ALPK2: variants seen among roughly 807,000 people sequenced by gnomAD.
The protein encoded by ALPK2 is alpha kinase 2, also known as alpha-protein kinase 2.
ALPK2 carries 127 observed loss-of-function variants against 163.1 expected under a neutral mutation model. The observed-to-expected ratio is 0.78, with a 90% CI of 0.67 to 0.90. ALPK2 has a LOEUF of 0.90. Among genes scored for constraint, ALPK2 ranks in the 40% least tolerant of loss-of-function variants. The probability of loss-of-function intolerance (pLI) is 0.00; values close to 1 mark genes in which losing one functional copy is unlikely to be tolerated. For missense variants in ALPK2, 2,360 were observed against 2,589.6 expected, an observed-to-expected ratio of 0.91 and a Z score of 1.92; for synonymous variants, 953 against 959.1, an observed-to-expected ratio of 0.99 and a Z score of 0.12.
intron 2 of ALPK2, among the ~76,000 whole-genome samples, chr18:58,608,273 T>C (rs924163864): frequency 1.3e-5 from 2 of 152,250 alleles, no homozygotes; most frequent in African/African-American, 2.4e-5. Flanking sequence ...CCCAGACTGA[T>C]GCTATGCATA....
At chr18:58,503,027 A>C (rs879005105) in intron 11 of ALPK2, among the ~76,000 whole-genome samples, 1 of 152,108 alleles carries the variant, frequency 6.6e-6, no homozygotes, top group Admixed American at 6.5e-5. Flanking sequence ...CCCCAGTTGC[A>C]CTTCCCTACT....
intron 11 of ALPK2, 69 bp from the exon 12 acceptor site, chr18:58,498,166 G>T (rs2051410809): frequency 6.8e-7 from 1 of 1,468,548 alleles, no homozygotes; most frequent in Non-Finnish European, 9.5e-7. Flanking sequence ...GGGCCATCTA[G>T]CCCCAGGGAA....
chr18:58,541,226 C>T (rs948058863), intron 4 of ALPK2, among the ~76,000 whole-genome samples: 1 of 152,246 alleles, frequency 6.6e-6, no homozygotes, highest in Non-Finnish European at 1.5e-5. Context: ...GAACTTTACT[C>T]ATGGCAGATG....
In ALPK2 at chr18:58,579,498, T is replaced by G; in HGVS notation, c.1278A>C (p.Gln426His). The part of the protein sequence containing the change: ...RVSKHGPSSP[Q>H]TGMTLILGPH... ...GTCCCAAAATGAGAGTCATCCCTGT[T>G]TGTGGGGATGAGGGACCGTGCTTGG... Residue 426 changes from glutamine to histidine, a missense_variant, in exon 4 of 13, where the codon CAA becomes CAC. Transcript: ENST00000361673. 1.9e-6 allele frequency: 3 copies of G among 1,614,068 alleles called. No homozygotes were observed. Among genetic ancestry groups the G allele is most frequent in the Middle Eastern group, 1.7e-4 (1 of 6,060 alleles).
At chr18:58,516,786 C>G (rs547990913) in intron 9 of ALPK2, 122 bp downstream of exon 9, 3 of 1,221,578 alleles carry the variant, frequency 2.5e-6, no homozygotes, top group Admixed American at 4.2e-5. Flanking sequence ...GAATTGAAAC[C>G]CCAAAAGAGG....
In ALPK2 at chr18:58,580,084, C is replaced by T. The variant is rs1249939767; in HGVS notation, c.692G>A (p.Cys231Tyr). ...TGCCATGGAATGCACTGTCTTGTGGCAACATCTGTCTTGTTTTTCATAAAT... is the reference window on the plus strand; with the variant it reads ...TGCCATGGAATGCACTGTCTTGTGGTAACATCTGTCTTGTTTTTCATAAAT... ...SHIYEKQDRCCHKTVHSMASK... is the reference protein window; with the variant it reads ...SHIYEKQDRCYHKTVHSMASK... The change falls in exon 4 of 13, where the codon TGC (cysteine) becomes TAC (tyrosine). Residue 231 changes from cysteine (C) to tyrosine (Y), a missense_variant. Cys to Tyr is a radical substitution (Grantham distance 194). Transcript: ENST00000361673. The T allele has an allele frequency of 2.5e-6, 4 of 1,614,220 alleles. No individual in the cohort carries two copies. The South Asian group carries it at 4.4e-5, about 18-fold the overall frequency.
intron 12 of ALPK2, among the ~76,000 whole-genome samples, chr18:58,492,453 C>T (rs1207059266): frequency 1.3e-5 from 2 of 152,162 alleles, no homozygotes; most frequent in Non-Finnish European, 2.9e-5. Flanking sequence ...TGGCTTAGAC[C>T]TTCCTGAAGG....
intron 4 of ALPK2, among the ~76,000 whole-genome samples, chr18:58,556,745 C>G (rs945174202): frequency 6.6e-6 from 1 of 152,186 alleles, no homozygotes; most frequent in Non-Finnish European, 1.5e-5. Flanking sequence ...GAAGCACTGT[C>G]CTGTATGAAC....
At chr18:58,540,683 C>T (rs1034859174) in intron 4 of ALPK2, among the ~76,000 whole-genome samples, 1 of 152,162 alleles carries the variant, frequency 6.6e-6, no homozygotes, top group African/African-American at 2.4e-5. Flanking sequence ...CCCCTCTCTC[C>T]GGCCTTTCTA....
At chr18:58,552,781 C>T (rs1426096170) in intron 4 of ALPK2, among the ~76,000 whole-genome samples, 1 of 152,094 alleles carries the variant, frequency 6.6e-6, no homozygotes, top group African/African-American at 2.4e-5. Context: ...GGCAGTGGCC[C>T]AGATGAAATT....
At chr18:58,507,075 A>G (rs2051465566) in intron 10 of ALPK2, among the ~76,000 whole-genome samples, 1 of 152,256 alleles carries the variant, frequency 6.6e-6, no homozygotes, top group South Asian at 2.1e-4. Context: ...CATAGAGGCA[A>G]GAGGAAAATG....
At chr18:58,618,904 G>A (rs2052183915) in intron 1 of ALPK2, among the ~76,000 whole-genome samples, 1 of 152,148 alleles carries the variant, frequency 6.6e-6, no homozygotes, top group South Asian at 2.1e-4. Context: ...CAGCTCACAA[G>A]CAGACCACAG....
chr18:58,599,354 G>A (rs1019293507), intron 3 of ALPK2, among the ~76,000 whole-genome samples: 3 of 152,202 alleles, frequency 2.0e-5, no homozygotes, highest in African/African-American at 7.2e-5. Context: ...AATTCATTCA[G>A]GGAGAATGCC....
Position 58,579,570 on chromosome 18 carries a change from A to G in ALPK2, c.1206T>C (p.Gly402=). 1 of 1,613,444 alleles carries G rather than the reference A, an allele frequency of 6.2e-7. No individual in the cohort carries two copies. The highest frequency in any genetic ancestry group is 8.5e-7 in the Non-Finnish European group (1 of 1,179,988). The change falls in exon 4 of 13, where the codon GGT becomes GGC. Residue 402 remains glycine, a synonymous_variant. Coordinates refer to ENST00000361673, the MANE Select transcript of ALPK2 (RefSeq NM_052947.4). ...CAACTTCTTGGGGTTGTGAGTGATGACCACAGAAGCCAGCAGTGGCAACCA... is the reference window on the plus strand; with the variant it reads ...CAACTTCTTGGGGTTGTGAGTGATGGCCACAGAAGCCAGCAGTGGCAACCA... ...GPMVATAGFC[G]HHSQPQEVGV...
chr18:58,487,749 C>T (rs1405304991), intron 12 of ALPK2, among the ~76,000 whole-genome samples: 1 of 152,116 alleles, frequency 6.6e-6, no homozygotes, highest in African/African-American at 2.4e-5. Flanking sequence ...AGACCAGGCG[C>T]ACTGGCTCAC....
At chr18:58,483,743 T>A (rs1421139954) in intron 12 of ALPK2, among the ~76,000 whole-genome samples, 1 of 145,870 alleles carries the variant, frequency 6.9e-6, no homozygotes, top group Non-Finnish European at 1.5e-5. Flanking sequence ...TTTTTTTTTT[T>A]AAGTAGAGAC....
intron 4 of ALPK2, among the ~76,000 whole-genome samples, chr18:58,564,520 T>C (rs2051841528): frequency 6.6e-6 from 1 of 152,130 alleles, no homozygotes; most frequent in Non-Finnish European, 1.5e-5. Flanking sequence ...AATATCAGTT[T>C]ATGGTGGGGG....
At chr18:58,608,840 T>C (rs2052112102) in intron 2 of ALPK2, among the ~76,000 whole-genome samples, 1 of 151,950 alleles carries the variant, frequency 6.6e-6, no homozygotes, top group African/African-American at 2.4e-5. Context: ...TAGTCTCAGC[T>C]ACCTGGGAGG....
intron 3 of ALPK2, among the ~76,000 whole-genome samples, chr18:58,594,718 C>T (rs2052032565): frequency 6.6e-6 from 1 of 152,192 alleles, no homozygotes; most frequent in Admixed American, 6.5e-5. Context: ...CTACCAATTG[C>T]TCAGTGCAAA....
Sources: allele counts gnomAD v4.1 joint callset (sites outside exome capture counted in the v4.1 genomes callset), GRCh38; gene constraint gnomAD v4.1.1; transcripts MANE v1.5; gene names NCBI Gene and HGNC (gene_info 2026-07-23, HGNC 2026-07-21).